RAB33B: variants seen among roughly 807,000 people sequenced by gnomAD.
The protein encoded by RAB33B is RAB33B, member RAS oncogene family.
Under a neutral mutation model 15.0 loss-of-function variants are expected in RAB33B, and 6 were observed. The ratio of observed to expected loss-of-function variants is 0.40; its 90% CI spans 0.22 to 0.79. RAB33B has a LOEUF of 0.79. Among genes scored for constraint, RAB33B ranks in the 30% least tolerant of loss-of-function variants. RAB33B has a pLI of 0.37. For missense variants in RAB33B, 257 were observed against 296.4 expected (o/e 0.87, Z 0.98); for synonymous variants, 117 against 108.3 (o/e 1.08, Z -0.50).
chr4:139,451,186 A>T (rs1423043280), upstream of RAB33B: 1 of 151,982 alleles, frequency 6.6e-6, no homozygotes, highest in East Asian at 1.9e-4. Flanking sequence ...GGTGTAAGCC[A>T]CTGCACCCAG....
intron 1 of RAB33B, among the ~76,000 whole-genome samples, chr4:139,461,808 C>T (rs980221230): frequency 5.9e-5 from 9 of 151,810 alleles, no homozygotes; most frequent in Non-Finnish European, 8.8e-5. Flanking sequence ...TGGTGGCTCA[C>T]GCCTGTCATC....
intron 1 of RAB33B, among the ~76,000 whole-genome samples, chr4:139,468,543 T>G (rs1326434606): frequency 6.6e-6 from 1 of 152,254 alleles, no homozygotes; most frequent in East Asian, 1.9e-4. Context: ...TAGTTATTAT[T>G]TTTGATTGGT....
At chr4:139,446,716 C>A in the RAB33B span, among the ~76,000 whole-genome samples, 1 of 152,196 alleles carries the variant, frequency 6.6e-6, no homozygotes, top group Non-Finnish European at 1.5e-5. Context: ...CCAGTTACGC[C>A]TGTCATTGCC....
intron 1 of RAB33B, among the ~76,000 whole-genome samples, chr4:139,454,917 A>G (rs956768129): frequency 3.9e-5 from 6 of 152,196 alleles, no homozygotes; most frequent in Admixed American, 6.5e-5. Flanking sequence ...AGTAAAGCCT[A>G]TTGCCTTTGA....
Position 139,475,918 on chromosome 4 carries a change from T to G in RAB33B, c.*2792T>G, listed in dbSNP as rs1381234730. On this transcript the variant is annotated 3_prime_UTR_variant, in exon 2 of 2. Transcript: ENST00000305626. Reference sequence around the variant, plus strand: ...TAAACCAGCTTAGCCACAAAGAAATTGTGTTTTATTTTCTTTGTTTGGTTA... The same window carrying G: ...TAAACCAGCTTAGCCACAAAGAAATGGTGTTTTATTTTCTTTGTTTGGTTA... 1 of 152,182 alleles carries G rather than the reference T, an allele frequency of 6.6e-6. No homozygotes were observed. Among genetic ancestry groups the G allele is most frequent in the African/African-American group, 2.4e-5 (1 of 41,458 alleles). The allele number at this position is 152,182 out of a possible 1,614,324, so 9.4% of individuals were successfully genotyped here. A position where few individuals can be genotyped will look rare whatever the true frequency, so the allele number is the denominator to read the frequency against.
At chr4:139,438,480 T>C in the RAB33B span, among the ~76,000 whole-genome samples, 66 of 152,166 alleles carry the variant, frequency 4.3e-4, no homozygotes, top group Non-Finnish European at 1.3e-4. Context: ...TATAAAAGAC[T>C]AGATAGGCAT....
the RAB33B span, among the ~76,000 whole-genome samples, chr4:139,446,661 C>G: frequency 1.3e-5 from 2 of 152,210 alleles, no homozygotes; most frequent in African/African-American, 4.8e-5. Context: ...TTTTAATAAT[C>G]AAGTGAATAG....
intron 1 of RAB33B, among the ~76,000 whole-genome samples, chr4:139,464,916 G>A (rs1051604447): frequency 3.3e-5 from 5 of 152,124 alleles, no homozygotes; most frequent in African/African-American, 4.8e-5. Flanking sequence ...TAATGAGATC[G>A]CTGGGTCAAA....
Position 139,475,018 on chromosome 4 carries a change from A to G in RAB33B, c.*1892A>G, listed in dbSNP as rs1190403611. The G allele has an allele frequency of 6.6e-6, 1 of 152,178 alleles. No homozygotes were observed. The highest frequency in any genetic ancestry group is 1.5e-5 in the Non-Finnish European group (1 of 67,962). The allele number at this position is 152,178 out of a possible 1,614,324, so 9.4% of individuals were successfully genotyped here. A position where few individuals can be genotyped will look rare whatever the true frequency, so the allele number is the denominator to read the frequency against. On this transcript the variant is annotated 3_prime_UTR_variant, in exon 2 of 2. Coordinates refer to ENST00000305626, the MANE Select transcript of RAB33B (RefSeq NM_031296.3). ...AAGACAAAGTAATTCTATTAAATGA[A>G]CTAACTGAAAATAATAATTATAGGA...
chr4:139,460,058 A>T (rs1750143356), intron 1 of RAB33B, among the ~76,000 whole-genome samples: 1 of 152,202 alleles, frequency 6.6e-6, no homozygotes, highest in Non-Finnish European at 1.5e-5. Context: ...TAAAGGGGTG[A>T]TAGAAGAGGT....
intron 1 of RAB33B, among the ~76,000 whole-genome samples, chr4:139,455,691 G>T (rs1750056675): frequency 1.3e-5 from 2 of 152,160 alleles, no homozygotes; most frequent in South Asian, 4.1e-4. Context: ...ACTTGCAGAA[G>T]AAAAGATAGA....
At chr4:139,461,892 A>G (rs1358333318) in intron 1 of RAB33B, among the ~76,000 whole-genome samples, 1 of 151,770 alleles carries the variant, frequency 6.6e-6, no homozygotes, top group African/African-American at 2.4e-5. Context: ...TGACAGAGCA[A>G]GCCTCCATCT....
rs758182997 is a variant in RAB33B, at chr4:139,473,114, G to A, written c.678G>A (p.Thr226=). The part of the protein sequence containing the change: ...ILKPEPKPAM[T]CWC ...AGCCTGAACCAAAGCCTGCAATGAC[G>A]TGCTGGTGCTAAATAACAGTCTTTA... Residue 226 remains threonine, a synonymous_variant, in exon 2 of 2, where the codon ACG becomes ACA. Transcript: ENST00000305626. 2.0e-5 allele frequency: 32 copies of A among 1,597,018 alleles called. No individual in the cohort carries two copies. The highest frequency in any genetic ancestry group is 2.7e-5 in the African/African-American group (2 of 73,882).
chr4:139,447,658 C>CTTTTTTT, the RAB33B span, among the ~76,000 whole-genome samples: 4 of 85,698 alleles, frequency 4.7e-5, no homozygotes, highest in Non-Finnish European at 6.9e-5. Flanking sequence ...CAGTCTACTA[C>CTTTTTTT]TTTTTTTTTT....
chr4:139,451,363 C>CTTTTTTTTTTTTTTTTTTTTTTTT (rs901731114), upstream of RAB33B: 1 of 108,666 alleles, frequency 9.2e-6, no homozygotes, highest in African/African-American at 3.9e-5. Context: ...ACCACACCCA[C>CTTTTTTTTTTTTTTTTTTTTTTTT]TTTTTTTTTT....
At chr4:139,439,131 G>C in the RAB33B span, among the ~76,000 whole-genome samples, 1 of 152,268 alleles carries the variant, frequency 6.6e-6, no homozygotes, top group Admixed American at 6.5e-5. Context: ...TCCTGGAGTA[G>C]CTGGGACTAC....
upstream of RAB33B, chr4:139,453,837 T>G: frequency 5.5e-6 from 1 of 182,188 alleles, no homozygotes; most frequent in East Asian, 1.4e-4. Flanking sequence ...ACCTTGGACG[T>G]GGCGGGGCTG....
intron 1 of RAB33B, 40 bp from the exon 2 acceptor site, chr4:139,472,646 A>G: frequency 7.1e-7 from 1 of 1,416,438 alleles, no homozygotes; most frequent in African/African-American, 1.4e-5. Context: ...TATAATTGGA[A>G]TGGGATTTTC....
intron 1 of RAB33B, among the ~76,000 whole-genome samples, chr4:139,465,193 A>C (rs548604654): frequency 4.6e-5 from 7 of 152,182 alleles, no homozygotes; most frequent in Non-Finnish European, 1.0e-4. Flanking sequence ...TCTTCTTTTG[A>C]GAAGTGTCTG....
Sources: allele counts gnomAD v4.1 joint callset (sites outside exome capture counted in the v4.1 genomes callset), GRCh38; gene constraint gnomAD v4.1.1; transcripts MANE v1.5; gene names NCBI Gene and HGNC (gene_info 2026-07-23, HGNC 2026-07-21).